Variants in CSMD3 observed in about 807,000 individuals in gnomAD.
CSMD3 encodes CUB and Sushi multiple domains 3.
A neutral mutation model predicts 435.2 loss-of-function variants in CSMD3; 177 were observed. That is an observed-to-expected ratio of 0.41 (90% CI 0.36 to 0.46). The LOEUF is 0.46. CSMD3 is among the 20% of genes least tolerant of loss of function. The pLI is 0.34. For synonymous variants in CSMD3, 1,656 were observed against 1,520.5 expected (o/e 1.09, Z -2.07); for missense variants, 4,265 against 4,504.6 (o/e 0.95, Z 1.52).
chr8:112,921,256 C>A (rs112181374), intron 10 of CSMD3, among the ~76,000 whole-genome samples: 2 of 151,838 alleles, frequency 1.3e-5, no homozygotes, highest in African/African-American at 4.8e-5. Context: ...ATTGTAGACA[C>A]GGACACATAA....
At chr8:113,233,717 T>C (rs117363533) in intron 3 of CSMD3, among the ~76,000 whole-genome samples, 3 of 151,748 alleles carry the variant, frequency 2.0e-5, no homozygotes, top group African/African-American at 7.3e-5. Context: ...AAGGAAAAGA[T>C]AAAAAAATGC....
intron 3 of CSMD3, among the ~76,000 whole-genome samples, chr8:113,227,262 T>C (rs1012486485): frequency 5.3e-5 from 8 of 151,560 alleles, no homozygotes; most frequent in Non-Finnish European, 1.2e-4. Flanking sequence ...ATAATGTTAA[T>C]AGCAAATTCT....
intron 1 of CSMD3, among the ~76,000 whole-genome samples, chr8:113,326,555 G>C (rs991407986): frequency 1.3e-5 from 2 of 152,022 alleles, no homozygotes; most frequent in Non-Finnish European, 2.9e-5. Flanking sequence ...TCTACAATAA[G>C]CTTGTGAAGT....
At chr8:112,810,673 T>C (rs1351001566) in intron 12 of CSMD3, among the ~76,000 whole-genome samples, 2 of 152,078 alleles carry the variant, frequency 1.3e-5, no homozygotes, top group African/African-American at 4.8e-5. Context: ...TAGAAAATGG[T>C]TGTGTTTTCC....
intron 1 of CSMD3, among the ~76,000 whole-genome samples, chr8:113,435,136 C>A (rs2094697833): frequency 6.6e-6 from 1 of 152,158 alleles, no homozygotes. Flanking sequence ...GACAAAGAAA[C>A]CTTGTAAGCA....
chr8:113,003,436 C>T (rs1016019780), intron 6 of CSMD3, among the ~76,000 whole-genome samples: 4 of 151,910 alleles, frequency 2.6e-5, no homozygotes, highest in African/African-American at 9.7e-5. Flanking sequence ...AGGATTTTCT[C>T]TGTAATATTT....
In CSMD3 at chr8:112,951,274, C is replaced by A. The variant is rs905068008; in HGVS notation, c.1421-3397G>T. 2.6e-5 allele frequency among the ~76,000 whole-genome samples: 4 copies of A among 151,750 alleles called. No homozygotes were observed. In the South Asian group the frequency reaches 6.2e-4, roughly 24 times the overall value. ...TTGGACAGATTTATCACTTTTACTTCTTTTAATTTGCATAGCAACTTGCAG... is the reference window on the plus strand; with the variant it reads ...TTGGACAGATTTATCACTTTTACTTATTTTAATTTGCATAGCAACTTGCAG... On this transcript the variant is annotated intron_variant, in intron 8 of 70. Transcript: ENST00000297405.
chr8:113,253,276 T>A (rs1450425254), intron 3 of CSMD3, among the ~76,000 whole-genome samples: 1 of 151,774 alleles, frequency 6.6e-6, no homozygotes, highest in Admixed American at 6.6e-5. Flanking sequence ...ATGTGCACAA[T>A]GTGCAGGTTT....
chr8:112,469,163 A>AG (rs1818272457), intron 32 of CSMD3, among the ~76,000 whole-genome samples: 1 of 77,344 alleles, frequency 1.3e-5, no homozygotes, highest in Non-Finnish European at 2.9e-5. Context: ...CACCAGGCAA[A>AG]AAAAAAAAAA....
chr8:113,367,123 T>G (rs1197653148), intron 1 of CSMD3, among the ~76,000 whole-genome samples: 1 of 151,864 alleles, frequency 6.6e-6, no homozygotes, highest in Non-Finnish European at 1.5e-5. Flanking sequence ...AGTTAGTATT[T>G]CCCTAAATTG....
chr8:113,093,074 G>C (rs2090056764), intron 5 of CSMD3, among the ~76,000 whole-genome samples: 1 of 152,072 alleles, frequency 6.6e-6, no homozygotes, highest in South Asian at 2.1e-4. Context: ...TGTAAAATAA[G>C]TATAGTGTGA....
chr8:112,661,383 G>T (rs1405735649), intron 17 of CSMD3, among the ~76,000 whole-genome samples: 1 of 152,110 alleles, frequency 6.6e-6, no homozygotes, highest in African/African-American at 2.4e-5. Context: ...GCCTATATTG[G>T]CCTGTTGGAA....
chr8:112,241,656 C>T (rs2130061280), intron 66 of CSMD3, 64 bp downstream of exon 66: 1 of 1,092,868 alleles, frequency 9.2e-7, no homozygotes, highest in Non-Finnish European at 1.4e-6. Flanking sequence ...AGTTACTATG[C>T]CAAGAAAATA....
intron 11 of CSMD3, among the ~76,000 whole-genome samples, chr8:112,834,756 T>C (rs184269760): frequency 3.3e-5 from 5 of 151,926 alleles, no homozygotes; most frequent in Admixed American, 3.3e-4. Context: ...TCTACATGTT[T>C]ATTTGGTAGT....
intron 42 of CSMD3, among the ~76,000 whole-genome samples, chr8:112,338,110 A>G (rs554875990): frequency 2.0e-5 from 3 of 152,332 alleles, no homozygotes; most frequent in African/African-American, 7.2e-5. Flanking sequence ...ACAGAATGCA[A>G]TAAGAATATG....
At chr8:113,246,525 T>C (rs1199025461) in intron 3 of CSMD3, among the ~76,000 whole-genome samples, 1 of 152,168 alleles carries the variant, frequency 6.6e-6, no homozygotes, top group Non-Finnish European at 1.5e-5. Flanking sequence ...TCTTTGAGCA[T>C]ATTTAAAACT....
At chr8:113,404,585 G>T (rs1160764976) in intron 1 of CSMD3, among the ~76,000 whole-genome samples, 1 of 151,316 alleles carries the variant, frequency 6.6e-6, no homozygotes, top group Non-Finnish European at 1.5e-5. Flanking sequence ...ATTTTAAAGT[G>T]AAACCCTGAT....
chr8:112,532,200 AAAG>A (rs1261306081), intron 27 of CSMD3, among the ~76,000 whole-genome samples: 1 of 151,924 alleles, frequency 6.6e-6, no homozygotes, highest in Non-Finnish European at 1.5e-5. Flanking sequence ...TAAGAAGAAT[AAAG>A]AAGGCTTACG....
chr8:112,638,973 G>GA, intron 20 of CSMD3, 62 bp from the exon 21 acceptor site: 5 of 1,151,202 alleles, frequency 4.3e-6, no homozygotes, highest in South Asian at 1.3e-5. Context: ...GAGAGTTACT[G>GA]TCAAACTAAC....
Sources: gnomAD v4.1 joint callset for allele counts (sites outside exome capture counted in the v4.1 genomes callset) on GRCh38, gnomAD v4.1.1 for gene constraint, MANE v1.5 for transcripts, NCBI Gene and HGNC (gene_info 2026-07-23, HGNC 2026-07-21) for gene names.